The following MED15 variants were observed in gnomAD, a reference collection of about 807,000 sequenced individuals.
MED15 encodes mediator of RNA polymerase II transcription subunit 15.
A neutral mutation model predicts 118.7 loss-of-function variants in MED15; 41 were observed. That is an observed-to-expected ratio of 0.35 (90% CI 0.27 to 0.45). MED15 has a LOEUF of 0.45. Ranked by LOEUF, MED15 falls within the 20% of genes least tolerant of loss-of-function variation. The pLI is 1.00. For synonymous variants in MED15, 436 were observed against 413.9 expected, an observed-to-expected ratio of 1.05 and a Z score of -0.65; for missense variants, 740 against 1,025.5, an observed-to-expected ratio of 0.72 and a Z score of 3.80.
intron 2 of MED15, among the ~76,000 whole-genome samples, chr22:20,542,587 G>A (rs916118856): frequency 1.3e-5 from 2 of 152,196 alleles, no homozygotes; most frequent in Non-Finnish European, 2.9e-5. Flanking sequence ...CTATCTCTGG[G>A]TCCATGGCTC....
chr22:20,586,068 A>G (rs2057126765), intron 17 of MED15, among the ~76,000 whole-genome samples: 1 of 152,148 alleles, frequency 6.6e-6, no homozygotes, highest in African/African-American at 2.4e-5. Flanking sequence ...GTGTCACGTC[A>G]GCTGTCCAGG....
chr22:20,521,089 T>A (rs900060895), intron 1 of MED15, among the ~76,000 whole-genome samples: 93 of 64,316 alleles, frequency 1.4e-3, no homozygotes, highest in African/African-American at 1.0e-2. Context: ...AGTTGTTCTA[T>A]TTTTTTTTTT....
In MED15 at chr22:20,586,590, G is replaced by T; in HGVS notation, c.2253G>T (p.Ser751=). Reference sequence around the variant, plus strand: ...CAGACGCCAACCCCTTCCTCCAGTCGGTGCACCGCTGCATGACCTCCAGGC... The same window carrying T: ...CAGACGCCAACCCCTTCCTCCAGTCTGTGCACCGCTGCATGACCTCCAGGC... The part of the protein sequence containing the change: ...WQYDANPFLQ[S]VHRCMTSRLL... Residue 751 remains serine, a synonymous_variant, in exon 18 of 18, where the codon TCG becomes TCT. Transcript: ENST00000263205. The T allele has an allele frequency of 1.2e-6, 2 of 1,612,836 alleles. No individual in the cohort carries two copies.
intron 1 of MED15, among the ~76,000 whole-genome samples, chr22:20,534,018 A>G (rs949196164): frequency 6.6e-6 from 1 of 152,094 alleles, no homozygotes; most frequent in Non-Finnish European, 1.5e-5. Flanking sequence ...AGCAGCTCAA[A>G]AGGACTGCTT....
intron 9 of MED15, among the ~76,000 whole-genome samples, chr22:20,577,023 A>G (rs1263611262): frequency 6.6e-6 from 1 of 152,218 alleles, no homozygotes; most frequent in East Asian, 1.9e-4. Flanking sequence ...GATATGTGCC[A>G]GGCCTTGAGC....
At chr22:20,524,752 G>C (rs1165655459) in intron 1 of MED15, among the ~76,000 whole-genome samples, 1 of 152,182 alleles carries the variant, frequency 6.6e-6, no homozygotes, top group Non-Finnish European at 1.5e-5. Flanking sequence ...TTTTGGAGTC[G>C]CTGGGCTTAC....
At chr22:20,551,575 C>T (rs1238651354) in intron 3 of MED15, 88 bp downstream of exon 3, 15 of 1,279,620 alleles carry the variant, frequency 1.2e-5, no homozygotes, top group African/African-American at 5.9e-5. Flanking sequence ...CTGGGCAGGC[C>T]GTGGTGCCTG....
chr22:20,585,001 C>A lies in MED15; in HGVS notation c.1950C>A (p.His650Gln), dbSNP rs143509872. 1.6e-4 allele frequency: 251 copies of A among 1,613,970 alleles called. 1 individual carries two copies. The highest frequency in any genetic ancestry group is 2.1e-4 in the Non-Finnish European group (245 of 1,180,034). ...RTFVPAMTAIHGPPITAPVVC... is the reference protein window; with the variant it reads ...RTFVPAMTAIQGPPITAPVVC... ...TCGTTCCAGCCATGACCGCCATTCACGGCCCACCCATCACGTATGTCCAGC... is the reference window on the plus strand; with the variant it reads ...TCGTTCCAGCCATGACCGCCATTCAAGGCCCACCCATCACGTATGTCCAGC... Residue 650 changes from histidine (H) to glutamine (Q), a missense_variant, in exon 15 of 18, where the codon CAC becomes CAA. Physicochemically the swap from His to Gln is conservative, Grantham distance 24. This residue lies in a region of MED15 where 179 missense variants were observed against 259.0 expected (regional missense o/e 0.69). Coordinates refer to ENST00000263205, the MANE Select transcript of MED15 (RefSeq NM_001003891.3).
chr22:20,517,467 A>G (rs6519402), intron 1 of MED15, among the ~76,000 whole-genome samples: 130,502 of 152,186 alleles, frequency 0.86, 56,305 homozygotes, highest in African/African-American at 0.95. Context: ...GTGGCTGAGC[A>G]GTGCAGCCGT....
At chr22:20,571,056 A>G (rs954426983) in intron 8 of MED15, among the ~76,000 whole-genome samples, 1 of 152,120 alleles carries the variant, frequency 6.6e-6, no homozygotes, top group Non-Finnish European at 1.5e-5. Context: ...CACTGTGCCC[A>G]GCCGAACTTT....
intron 1 of MED15, among the ~76,000 whole-genome samples, chr22:20,536,209 G>A (rs2055075135): frequency 6.6e-6 from 1 of 152,134 alleles, no homozygotes; most frequent in Admixed American, 6.6e-5. Flanking sequence ...CAGGGTGGGA[G>A]GCCAGGCAAG....
At chr22:20,520,663 C>A (rs2054413637) in intron 1 of MED15, among the ~76,000 whole-genome samples, 1 of 152,204 alleles carries the variant, frequency 6.6e-6, no homozygotes, top group South Asian at 2.1e-4. Flanking sequence ...CTGCACCCAG[C>A]CAGGGCAAAC....
intron 2 of MED15, chr22:20,550,985 G>T: frequency 2.7e-6 from 1 of 365,250 alleles, no homozygotes; most frequent in Non-Finnish European, 5.5e-6. Context: ...CAGTGAAAAG[G>T]CAGCAACAGG....
chr22:20,533,388 C>T (rs139006638), intron 1 of MED15, among the ~76,000 whole-genome samples: 5 of 152,206 alleles, frequency 3.3e-5, no homozygotes, highest in African/African-American at 7.2e-5. Context: ...TTTTGTGACA[C>T]TTGATCTTCA....
intron 1 of MED15, chr22:20,523,130 A>G (rs1228741563): frequency 6.6e-6 from 1 of 152,168 alleles, no homozygotes; most frequent in African/African-American, 2.4e-5. Flanking sequence ...CTTGATATGT[A>G]TGCATTTTAA....
At chr22:20,536,782 A>G (rs944126232) in intron 1 of MED15, among the ~76,000 whole-genome samples, 3 of 152,188 alleles carry the variant, frequency 2.0e-5, no homozygotes, top group Non-Finnish European at 4.4e-5. Context: ...GCCACCCAGT[A>G]GTCTAATGCG....
intron 1 of MED15, among the ~76,000 whole-genome samples, chr22:20,531,990 C>T (rs1382855209): frequency 6.6e-6 from 1 of 152,216 alleles, no homozygotes; most frequent in South Asian, 2.1e-4. Context: ...GTGGGGCAGG[C>T]GCAGGAGCAG....
intron 5 of MED15, among the ~76,000 whole-genome samples, chr22:20,556,755 C>G (rs1338085071): frequency 2.0e-5 from 3 of 152,228 alleles, no homozygotes; most frequent in African/African-American, 4.8e-5. Context: ...TGTTACCTCT[C>G]AGAGATCGCG....
intron 1 of MED15, 50 bp downstream of exon 1, chr22:20,507,796 G>T (rs1313126951): frequency 3.8e-5 from 61 of 1,610,868 alleles, no homozygotes; most frequent in Non-Finnish European, 4.9e-5. Flanking sequence ...TTCCTCCTTA[G>T]CGTGGCGGGC....
Sources: allele counts gnomAD v4.1 joint callset (sites outside exome capture counted in the v4.1 genomes callset), GRCh38; gene constraint gnomAD v4.1.1; regional missense constraint gnomAD v4.1.1; transcripts MANE v1.5; gene names NCBI Gene and HGNC (gene_info 2026-07-23, HGNC 2026-07-21).